BTBD10: variants seen among roughly 807,000 people sequenced by gnomAD.
BTBD10 encodes BTB/POZ domain-containing protein 10.
In BTBD10, 21 loss-of-function variants were observed where a neutral mutation model predicts 53.2. That is an observed-to-expected ratio of 0.39 (90% CI 0.28 to 0.57). The LOEUF (loss-of-function observed/expected upper bound fraction) is 0.57. Ranked by LOEUF, BTBD10 falls within the 20% of genes least tolerant of loss-of-function variation. The pLI is 0.53. For synonymous variants in BTBD10, 149 were observed against 192.7 expected (o/e 0.77, Z 1.88); for missense variants, 360 against 594.7 (o/e 0.61, Z 4.10).
At chr11:13,419,141 T>C (rs552618935) in intron 4 of BTBD10, among the ~76,000 whole-genome samples, 1 of 152,300 alleles carries the variant, frequency 6.6e-6, no homozygotes, top group African/African-American at 2.4e-5. Flanking sequence ...CATTGCTAAA[T>C]TCACCTGGTT....
intron 1 of BTBD10, chr11:13,462,490 T>C (rs938725978): frequency 6.6e-6 from 1 of 152,176 alleles, no homozygotes; most frequent in Non-Finnish European, 1.5e-5. Context: ...TGGCCCACAC[T>C]AACAAATTAC....
rs1350601647 is a variant in BTBD10, at chr11:13,403,178, C to T, written c.1107G>A (p.Leu369=). 2.5e-5 allele frequency: 38 copies of T among 1,504,350 alleles called. No individual in the cohort carries two copies. Among genetic ancestry groups the T allele is most frequent in the Non-Finnish European group, 3.3e-5 (37 of 1,119,966 alleles). 93.2% of individuals were successfully genotyped at this position (1,504,350 alleles called of 1,614,324 possible). The change falls in exon 8 of 9, where the codon TTG becomes TTA. Residue 369 remains leucine, a synonymous_variant. Coordinates refer to ENST00000278174, the MANE Select transcript of BTBD10 (RefSeq NM_032320.7). ...LKERGLKKIR[L]GIEGYPTYKE... is the part of the protein sequence containing the mutation. Reference sequence around the variant, plus strand: ...ATGAAAATGTCTTACCTTCTATTCCCAATCTAATCTTCTTAAGACCCCTCT... The same window carrying T: ...ATGAAAATGTCTTACCTTCTATTCCTAATCTAATCTTCTTAAGACCCCTCT...
At chr11:13,440,272 C>A in intron 2 of BTBD10, 1 of 1,207,614 alleles carries the variant, frequency 8.3e-7, no homozygotes, top group Non-Finnish European at 1.0e-6. Context: ...AACAAAACAG[C>A]ATCGTGTGAG....
At chr11:13,440,163 C>G (rs1001194490) in intron 2 of BTBD10, 175 of 1,481,004 alleles carry the variant, frequency 1.2e-4, no homozygotes, top group Non-Finnish European at 1.5e-4. Context: ...AATATTTAGG[C>G]TTTAAATATT....
chr11:13,431,886 A>C (rs1222063501), intron 2 of BTBD10, among the ~76,000 whole-genome samples: 1 of 152,106 alleles, frequency 6.6e-6, no homozygotes. Context: ...AGACTCCTAC[A>C]AGGGGAAAAA....
chr11:13,437,948 A>G (rs181477352), intron 2 of BTBD10, among the ~76,000 whole-genome samples: 7 of 152,234 alleles, frequency 4.6e-5, no homozygotes, highest in Non-Finnish European at 8.8e-5. Context: ...AAGACAACTC[A>G]TTTAATCAGA....
intron 2 of BTBD10, among the ~76,000 whole-genome samples, chr11:13,427,558 T>G (rs1950364933): frequency 1.3e-5 from 2 of 152,102 alleles, no homozygotes; most frequent in Admixed American, 1.3e-4. Context: ...CTCACAATAT[T>G]TAACAGAAAA....
intron 8 of BTBD10, among the ~76,000 whole-genome samples, chr11:13,392,233 A>G (rs1949427759): frequency 6.6e-6 from 1 of 152,232 alleles, no homozygotes; most frequent in South Asian, 2.1e-4. Context: ...TGAGATTCTA[A>G]TGGACTAAAA....
chr11:13,443,811 T>G (rs995797085), intron 2 of BTBD10, among the ~76,000 whole-genome samples: 2 of 152,124 alleles, frequency 1.3e-5, no homozygotes, highest in Non-Finnish European at 2.9e-5. Context: ...CTCAAACTCC[T>G]GACCTCAAGT....
intron 2 of BTBD10, among the ~76,000 whole-genome samples, chr11:13,426,312 C>CA (rs904274153): frequency 4.1e-4 from 62 of 151,264 alleles, no homozygotes; most frequent in Admixed American, 1.8e-3. Flanking sequence ...CATTTTCAGG[C>CA]AAAAAAAGAC....
chr11:13,412,326 G>T lies in BTBD10; in HGVS notation c.808+1204C>A, dbSNP rs546037127. ...AAATTAGCCAGGTGTGGTGATGGGT[G>T]CCTGTAACCCCAGCTACTGGGGAGG... is the stretch of plus-strand genomic sequence containing the variant. On this transcript the variant is annotated intron_variant, in intron 6 of 8. Transcript: ENST00000278174. Among the ~76,000 whole-genome samples the T allele has an allele frequency of 3.3e-5, 5 of 152,190 alleles. No homozygotes were observed. The South Asian group carries it at 8.3e-4, about 25-fold the overall frequency.
At chr11:13,460,552 T>A (rs1446609826) in intron 1 of BTBD10, among the ~76,000 whole-genome samples, 2 of 152,228 alleles carry the variant, frequency 1.3e-5, no homozygotes, top group Non-Finnish European at 2.9e-5. Context: ...CTACTATGTA[T>A]AAGGCACTAA....
chr11:13,409,525 A>T (rs954548103), intron 6 of BTBD10, among the ~76,000 whole-genome samples: 4 of 151,670 alleles, frequency 2.6e-5, no homozygotes, highest in African/African-American at 4.8e-5. Flanking sequence ...ATTCCTCACC[A>T]CTCATATTCC....
chr11:13,446,155 A>G (rs1339909342), intron 1 of BTBD10, among the ~76,000 whole-genome samples: 3 of 152,170 alleles, frequency 2.0e-5, no homozygotes, highest in Admixed American at 6.5e-5. Flanking sequence ...AAGTTAAACA[A>G]TTTAAACAAA....
In BTBD10 at chr11:13,429,910, C is replaced by T. The variant is rs192619923; in HGVS notation, c.102-8072G>A. ...CTTGAGCCCAGGAGTTCAAGACCAG[C>T]CTGGGCAACATAGTGAGACCATTTC... On this transcript the variant is annotated intron_variant, in intron 2 of 8. Coordinates refer to ENST00000278174, the MANE Select transcript of BTBD10 (RefSeq NM_032320.7). 1.8e-4 allele frequency among the ~76,000 whole-genome samples: 27 copies of T among 151,982 alleles called. No individual in the cohort carries two copies. The East Asian group carries it at 5.2e-3, about 29-fold the overall frequency.
At chr11:13,401,141 TTA>T (rs1008510578) in intron 8 of BTBD10, among the ~76,000 whole-genome samples, 3 of 140,514 alleles carry the variant, frequency 2.1e-5, no homozygotes, top group African/African-American at 2.5e-5. Context: ...ATATATTACA[TTA>T]TATATATATA....
chr11:13,438,714 A>C (rs1013950451), intron 2 of BTBD10, among the ~76,000 whole-genome samples: 1 of 152,070 alleles, frequency 6.6e-6, no homozygotes, highest in African/African-American at 2.4e-5. Flanking sequence ...ATAATAGAAA[A>C]ACTTATTTTC....
intron 6 of BTBD10, among the ~76,000 whole-genome samples, chr11:13,406,616 AGTGTGTGTGTGTGTGT>A: frequency 6.7e-6 from 1 of 148,224 alleles, no homozygotes; most frequent in South Asian, 2.1e-4. Context: ...AGAGAGAGAC[AGTGTGTGTGTGTGTGT>A]GTGTGTGTTT....
At position 13,388,132 on chromosome 11, in the gene BTBD10, A is replaced by G. The variant is rs1441596982; in HGVS notation, c.*699T>C. 6.6e-6 allele frequency: 1 copy of G among 152,642 alleles called. No individual in the cohort carries two copies. Among genetic ancestry groups the G allele is most frequent in the East Asian group, 1.9e-4 (1 of 5,202 alleles). 9.5% of individuals were successfully genotyped at this position (152,642 alleles called of 1,614,324 possible). ...CCATAACTCTTAAGAAAAAAAAAGC[A>G]TTAGTAAATAAATATCTGTGAACAG... On this transcript the variant is annotated 3_prime_UTR_variant, in exon 9 of 9. Transcript: ENST00000278174.
Sources: allele counts gnomAD v4.1 joint callset (sites outside exome capture counted in the v4.1 genomes callset), GRCh38; gene constraint gnomAD v4.1.1; transcripts MANE v1.5; gene names NCBI Gene and HGNC (gene_info 2026-07-23, HGNC 2026-07-21).